FBN1: variants seen among roughly 807,000 people sequenced by gnomAD.
The protein encoded by FBN1 is fibrillin-1.
In FBN1, 29 loss-of-function variants were observed where a neutral mutation model predicts 365.1. That is an observed-to-expected ratio of 0.08 (90% CI 0.06 to 0.11). FBN1 has a LOEUF of 0.11. Among genes scored for constraint, FBN1 ranks in the 10% least tolerant of loss-of-function variants. The pLI is 1.00. For synonymous variants in FBN1, 1,210 were observed against 1,270.5 expected (o/e 0.95, Z 1.01); for missense variants, 2,476 against 3,703.2 (o/e 0.67, Z 8.60).
intron 6 of FBN1, among the ~76,000 whole-genome samples, chr15:48,588,539 C>T (rs1037639178): frequency 6.6e-6 from 1 of 151,964 alleles, no homozygotes; most frequent in Non-Finnish European, 1.5e-5. Context: ...GAAGATGAAA[C>T]CATGACACTA....
At chr15:48,587,770 G>A (rs527863606) in intron 6 of FBN1, among the ~76,000 whole-genome samples, 4 of 152,178 alleles carry the variant, frequency 2.6e-5, no homozygotes, top group African/African-American at 9.6e-5. Flanking sequence ...CTATCATCAT[G>A]CCTAGCTTAG....
At chr15:48,492,620 T>A (rs776958198) in intron 23 of FBN1, 34 bp from the exon 24 acceptor site, 22 of 1,374,820 alleles carry the variant, frequency 1.6e-5, no homozygotes, top group Non-Finnish European at 2.1e-5. Flanking sequence ...AGTTAATATA[T>A]CTTTATAATA....
In FBN1 at chr15:48,494,063, C is replaced by G. The variant is rs56011718; in HGVS notation, c.2728+141G>C. 695 of 706,572 alleles carry G rather than the reference C, an allele frequency of 9.8e-4. 10 individuals are homozygous for G. The East Asian group carries it at 0.012, about 12-fold the overall frequency. The allele number at this position is 706,572 out of a possible 1,614,324, so 43.8% of individuals were successfully genotyped here. A position where few individuals can be genotyped will look rare whatever the true frequency, so the allele number is the denominator to read the frequency against. ...TATGCTTGTGAAATTAACAGCTGTT[C>G]CGTTTTGTAGTTCTCATTATTTTTT... On this transcript the variant is annotated intron_variant, in intron 23 of 65. Transcript: ENST00000316623.
chr15:48,442,632 T>G (rs1209774687), intron 49 of FBN1, among the ~76,000 whole-genome samples: 2 of 152,248 alleles, frequency 1.3e-5, no homozygotes, highest in Non-Finnish European at 2.9e-5. Flanking sequence ...CCATATGTCC[T>G]AGTTTGCCTG....
chr15:48,634,857 CCACACACACACACA>C (rs57811526), intron 2 of FBN1, among the ~76,000 whole-genome samples: 911 of 69,194 alleles, frequency 0.013, 20 homozygotes, highest in African/African-American at 0.055. Context: ...AAAAAAAAAA[CCACACACACACACA>C]CACACACACA....
chr15:48,505,617 C>T (rs2043701920), intron 15 of FBN1, among the ~76,000 whole-genome samples: 3 of 152,028 alleles, frequency 2.0e-5, no homozygotes, highest in South Asian at 4.1e-4. Context: ...GGAAAATTCG[C>T]CTAAAATTAA....
Position 48,536,286 on chromosome 15 carries a change from G to A in FBN1, c.736+1325C>T, listed in dbSNP as rs1004820996. On this transcript the variant is annotated intron_variant, in intron 7 of 65. Coordinates refer to ENST00000316623, the MANE Select transcript of FBN1 (RefSeq NM_000138.5). ...TAGAAAGAAACAGGAAGCAAATGCT[G>A]GAAAGATCCAGATTTATGAAACGAA... Among the ~76,000 whole-genome samples the A allele has an allele frequency of 2.6e-5, 4 of 152,092 alleles. No homozygotes were observed. In the East Asian group the frequency reaches 7.7e-4, roughly 29 times the overall value.
chr15:48,470,325 A>T (rs993397626), intron 36 of FBN1, among the ~76,000 whole-genome samples: 1 of 152,044 alleles, frequency 6.6e-6, no homozygotes, highest in Admixed American at 6.6e-5. Context: ...ACTCTCCAAA[A>T]ATGTACCCAA....
chr15:48,471,579 C>T (rs1303956481), intron 35 of FBN1, among the ~76,000 whole-genome samples: 3 of 152,094 alleles, frequency 2.0e-5, no homozygotes, highest in Non-Finnish European at 4.4e-5. Flanking sequence ...TCAAACTCTG[C>T]ATATTTAATA....
chr15:48,427,954 CAAAT>C (rs2042993238), intron 57 of FBN1, 181 bp from the exon 58 acceptor site: 1 of 706,520 alleles, frequency 1.4e-6, no homozygotes, highest in Admixed American at 2.0e-5. Context: ...CTGAGGGAAA[CAAAT>C]AAGACATTCA....
chr15:48,509,969 T>C, intron 14 of FBN1, 75 bp downstream of exon 14: 2 of 1,453,812 alleles, frequency 1.4e-6, no homozygotes, highest in Non-Finnish European at 1.9e-6. Context: ...TCACTCATTA[T>C]TTGGTCTTGT....
intron 6 of FBN1, among the ~76,000 whole-genome samples, chr15:48,540,280 C>T (rs1218086216): frequency 2.0e-5 from 3 of 152,086 alleles, no homozygotes; most frequent in Non-Finnish European, 4.4e-5. Context: ...AATGTAATTA[C>T]ACCTAAAGAA....
In FBN1 at chr15:48,445,437, C is replaced by A. The variant is rs763490270; in HGVS notation, c.5856G>T (p.Gly1952=). The A allele has an allele frequency of 1.9e-6, 3 of 1,612,718 alleles. No individual in the cohort carries two copies. Among genetic ancestry groups the A allele is most frequent in the Admixed American group, 3.3e-5 (2 of 59,906 alleles). ...CTTCATTGCACTGGCACTGGAAAGA[C>A]CCCACTGTATTAATGCATTGGCCAT... ...CRNGQCINTV[G]SFQCQCNEGY... is the part of the protein sequence containing the mutation. Residue 1952 remains glycine (G), a synonymous_variant, in exon 48 of 66, where the codon GGG becomes GGT. Transcript: ENST00000316623.
intron 2 of FBN1, among the ~76,000 whole-genome samples, chr15:48,635,348 A>C (rs1048877480): frequency 1.3e-5 from 2 of 152,232 alleles, no homozygotes; most frequent in Non-Finnish European, 2.9e-5. Flanking sequence ...AGAAATTTAA[A>C]TCTAGGATTT....
intron 6 of FBN1, among the ~76,000 whole-genome samples, chr15:48,595,323 AAG>A (rs1221977157): frequency 2.6e-5 from 4 of 152,232 alleles, no homozygotes; most frequent in African/African-American, 4.8e-5. Context: ...ATCTTAGAAT[AAG>A]ATGTCTATAC....
In FBN1 at chr15:48,526,148, C is replaced by G; in HGVS notation, c.970G>C (p.Asp324His). The change falls in exon 9 of 66, where the codon GAT (aspartate) becomes CAT (histidine). Residue 324 changes from aspartate to histidine, a missense_variant. Around this residue, in one of 5 missense-constraint regions of FBN1, gnomAD observed 421 missense variants for 520.1 expected, o/e 0.81. Coordinates refer to ENST00000316623, the MANE Select transcript of FBN1 (RefSeq NM_000138.5). ...AACCTACCTATGCATCTGGTACCAT[C>G]TGGAGAGGTGTAAAAACCAGGGGGA... ...KCPPGFYTSP[D>H]GTRCIDVRPG... The G allele has an allele frequency of 6.2e-7, 1 of 1,614,172 alleles. No homozygotes were observed. The highest frequency in any genetic ancestry group is 2.2e-5 in the East Asian group (1 of 44,874).
Position 48,534,201 on chromosome 15 carries a change from C to T in FBN1, c.741G>A (p.Val247=), listed in dbSNP as rs777806876. The change falls in exon 8 of 66, where the codon GTG becomes GTA. Residue 247 remains valine (V), a synonymous_variant. Transcript: ENST00000316623. Reference sequence around the variant, plus strand: ...GCCCGGGGATGGCCTGGCATTCATCCACATCTGTCAGATTACAGAAGACAG... The same window carrying T: ...GCCCGGGGATGGCCTGGCATTCATCTACATCTGTCAGATTACAGAAGACAG... ...PNIRTGACQD[V]DECQAIPGLC... is the part of the protein sequence containing the mutation. 1 of 1,612,048 alleles carries T rather than the reference C, an allele frequency of 6.2e-7. No individual in the cohort carries two copies. The highest frequency in any genetic ancestry group is 8.5e-7 in the Non-Finnish European group (1 of 1,179,288).
Position 48,543,875 on chromosome 15 carries a change from G to A in FBN1, c.539-6067C>T, listed in dbSNP as rs143425448. 4.6e-5 allele frequency among the ~76,000 whole-genome samples: 7 copies of A among 152,178 alleles called. No homozygotes were observed. In the East Asian group the frequency reaches 1.2e-3, roughly 25 times the overall value. ...ACAAGAATGTCCTTAGTGCTTAGAG[G>A]TGACGTCTCATGATGTATGCAACTT... is the stretch of plus-strand genomic sequence containing the variant. On this transcript the variant is annotated intron_variant, in intron 6 of 65. Transcript: ENST00000316623.
At chr15:48,516,000 T>C (rs2043797316) in intron 11 of FBN1, among the ~76,000 whole-genome samples, 183 bp downstream of exon 11, 1 of 152,136 alleles carries the variant, frequency 6.6e-6, no homozygotes, top group African/African-American at 2.4e-5. Context: ...CTCCCGTTTT[T>C]CTCTATGCAA....
Sources: allele counts gnomAD v4.1 joint callset (sites outside exome capture counted in the v4.1 genomes callset), GRCh38; gene constraint gnomAD v4.1.1; regional missense constraint gnomAD v4.1.1; transcripts MANE v1.5; gene names NCBI Gene and HGNC (gene_info 2026-07-23, HGNC 2026-07-21).